Variants in BCL2L1 observed in about 807,000 individuals in gnomAD.
The protein encoded by BCL2L1 is BCL2 like 1.
A neutral mutation model predicts 18.7 loss-of-function variants in BCL2L1; 1 was observed. The ratio of observed to expected loss-of-function variants is 0.05; its 90% CI spans 0.02 to 0.25. The LOEUF (loss-of-function observed/expected upper bound fraction) is 0.25, where lower values mean the gene tolerates loss of function less well. Among genes scored for constraint, BCL2L1 ranks in the 10% least tolerant of loss-of-function variants. BCL2L1 has a pLI of 1.00. For synonymous variants in BCL2L1, 103 were observed against 122.7 expected (o/e 0.84, Z 1.06); for missense variants, 207 against 304.9 (o/e 0.68, Z 2.39).
chr20:31,704,496 C>T (rs2061340053), intron 2 of BCL2L1, among the ~76,000 whole-genome samples: 1 of 152,164 alleles, frequency 6.6e-6, no homozygotes, highest in African/African-American at 2.4e-5. Flanking sequence ...TTCTAGGCTG[C>T]CATGAACTGG....
chr20:31,690,573 ATTT>A (rs112840835), intron 2 of BCL2L1, among the ~76,000 whole-genome samples: 1 of 141,742 alleles, frequency 7.1e-6, no homozygotes, highest in Non-Finnish European at 1.5e-5. Flanking sequence ...GTCAGTATGT[ATTT>A]TTTTTTTTTT....
At chr20:31,693,536 TTTTG>T (rs754947874) in intron 2 of BCL2L1, among the ~76,000 whole-genome samples, 4 of 151,868 alleles carry the variant, frequency 2.6e-5, no homozygotes, top group Admixed American at 6.6e-5. Context: ...TCACGTTTAT[TTTTG>T]TTTGTTTTTA....
chr20:31,713,366 G>A, intron 2 of BCL2L1: 5 of 985,418 alleles, frequency 5.1e-6, no homozygotes, highest in Non-Finnish European at 6.0e-6. Flanking sequence ...CAAGAGGAAA[G>A]GCAGGGACAC....
intron 2 of BCL2L1, among the ~76,000 whole-genome samples, chr20:31,707,570 G>A (rs1334666537): frequency 6.6e-6 from 1 of 152,064 alleles, no homozygotes; most frequent in Middle Eastern, 3.2e-3. Flanking sequence ...CCTGAGGTCA[G>A]GAGTTCGAGA....
chr20:31,668,692 C>A (rs940748416), intron 2 of BCL2L1, among the ~76,000 whole-genome samples: 4 of 151,748 alleles, frequency 2.6e-5, no homozygotes, highest in Non-Finnish European at 5.9e-5. Context: ...GCAACCTCCG[C>A]CTCCCAGGTT....
At chr20:31,684,917 G>A (rs942693293) in intron 2 of BCL2L1, among the ~76,000 whole-genome samples, 118 of 152,332 alleles carry the variant, frequency 7.7e-4, no homozygotes, top group African/African-American at 2.7e-3. Context: ...GGAAGGCTGG[G>A]CCTTCTGAAG....
At chr20:31,704,743 AC>A (rs566070354) in intron 2 of BCL2L1, among the ~76,000 whole-genome samples, 1 of 151,454 alleles carries the variant, frequency 6.6e-6, no homozygotes, top group African/African-American at 2.4e-5. Context: ...TCTGGAATGC[AC>A]CCCCCCAACG....
At chr20:31,702,621 C>T (rs1030914262) in intron 2 of BCL2L1, among the ~76,000 whole-genome samples, 1 of 151,858 alleles carries the variant, frequency 6.6e-6, no homozygotes, top group Non-Finnish European at 1.5e-5. Flanking sequence ...TCAAGTGATT[C>T]TCCTGCCTCA....
chr20:31,666,234 G>A, intron 2 of BCL2L1, 148 bp from the exon 3 acceptor site: 1 of 959,692 alleles, frequency 1.0e-6, no homozygotes, highest in Non-Finnish European at 1.6e-6. Flanking sequence ...AAGGGCTAAG[G>A]GTGGTCCTCT....
intron 2 of BCL2L1, among the ~76,000 whole-genome samples, chr20:31,710,578 G>A (rs1003074167): frequency 2.6e-5 from 4 of 152,202 alleles, no homozygotes; most frequent in African/African-American, 9.6e-5. Flanking sequence ...TAGGGAAAGG[G>A]TGCAGGTTGA....
chr20:31,688,581 C>T (rs1189691643), intron 2 of BCL2L1, among the ~76,000 whole-genome samples: 1 of 152,156 alleles, frequency 6.6e-6, no homozygotes, highest in Non-Finnish European at 1.5e-5. Context: ...AACTGGTACC[C>T]ACTGCTGTGG....
At chr20:31,721,458 TG>T (rs5841091) in intron 2 of BCL2L1, 196 bp downstream of exon 2, 143,670 of 636,414 alleles carry the variant, frequency 0.23, 20,342 homozygotes, top group African/African-American at 0.51. Flanking sequence ...GAAAGATGCC[TG>T]ATCTCTGAAG....
At chr20:31,709,679 A>G (rs1600903726) in intron 2 of BCL2L1, among the ~76,000 whole-genome samples, 1 of 151,476 alleles carries the variant, frequency 6.6e-6, no homozygotes, top group Non-Finnish European at 1.5e-5. Flanking sequence ...TAAAAATACA[A>G]AAAAAATTAG....
rs551498386 is a variant in BCL2L1, at chr20:31,710,585, T to C, written c.564+11070A>G. Among the ~76,000 whole-genome samples the C allele has an allele frequency of 3.9e-5, 6 of 152,228 alleles. No individual in the cohort carries two copies. The South Asian group carries it at 6.2e-4, about 16-fold the overall frequency. On this transcript the variant is annotated intron_variant, in intron 2 of 2. Transcript: ENST00000307677. ...CAGTTGGCTAGGGAAAGGGTGCAGG[T>C]TGATGATACAGGCTGAGGGTGGAGG...
chr20:31,717,574 T>C (rs1254356791), intron 2 of BCL2L1, among the ~76,000 whole-genome samples: 2 of 152,218 alleles, frequency 1.3e-5, no homozygotes, highest in African/African-American at 4.8e-5. Flanking sequence ...TTCTACTTAA[T>C]TTTGGGACCC....
chr20:31,723,437 GC>G, upstream of BCL2L1: 3 of 985,370 alleles, frequency 3.0e-6, no homozygotes, highest in Non-Finnish European at 3.6e-6. Context: ...GCTTTCTGGC[GC>G]CCCCGGGAGG....
chr20:31,689,749 C>T lies in BCL2L1; in HGVS notation c.565-23663G>A, dbSNP rs560096131. Among the ~76,000 whole-genome samples the T allele has an allele frequency of 4.6e-5, 7 of 152,184 alleles. No individual in the cohort carries two copies. The South Asian group carries it at 6.2e-4, about 14-fold the overall frequency. On this transcript the variant is annotated intron_variant, in intron 2 of 2. Coordinates refer to ENST00000307677, the MANE Select transcript of BCL2L1 (RefSeq NM_138578.3). ...AAAGATGTTCTGCCAGGCGCGGTGG[C>T]GCACGCCTGTAATCCCAGCACTTTG...
chr20:31,666,970 T>G (rs6121038), intron 2 of BCL2L1, among the ~76,000 whole-genome samples: 57,127 of 152,084 alleles, frequency 0.38, 12,942 homozygotes, highest in African/African-American at 0.62. Context: ...AGAACATAAC[T>G]TTTATGAGTA....
intron 2 of BCL2L1, among the ~76,000 whole-genome samples, chr20:31,702,596 C>G (rs1367008794): frequency 6.6e-6 from 1 of 151,916 alleles, no homozygotes. Flanking sequence ...TCAACACAAC[C>G]TCCGCCTCCC....
Sources: gnomAD v4.1 joint callset for allele counts (sites outside exome capture counted in the v4.1 genomes callset) on GRCh38, gnomAD v4.1.1 for gene constraint, MANE v1.5 for transcripts, NCBI Gene and HGNC (gene_info 2026-07-23, HGNC 2026-07-21) for gene names.